The following RNF144A variants were observed in gnomAD, a reference collection of about 807,000 sequenced individuals.
RNF144A encodes E3 ubiquitin-protein ligase RNF144A.
Under a neutral mutation model 38.7 loss-of-function variants are expected in RNF144A, and 11 were observed. The ratio of observed to expected loss-of-function variants is 0.28; its 90% CI spans 0.18 to 0.47. RNF144A has a LOEUF of 0.47. RNF144A is among the 20% of genes least tolerant of loss of function. The probability of loss-of-function intolerance (pLI) is 0.99; values close to 1 mark genes in which losing one functional copy is unlikely to be tolerated. For synonymous variants in RNF144A, 149 were observed against 143.9 expected (o/e 1.04, Z -0.25); for missense variants, 316 against 377.2 (o/e 0.84, Z 1.34).
At chr2:7,047,161 G>T (rs1013098512), downstream of RNF144A, among the ~76,000 whole-genome samples, 1 of 152,200 alleles carries the variant, frequency 6.6e-6, no homozygotes, top group East Asian at 1.9e-4. Flanking sequence ...ACACATAGTG[G>T]TGACTTACTG....
At chr2:7,011,204 T>C (rs567738369) in intron 3 of RNF144A, among the ~76,000 whole-genome samples, 7 of 152,340 alleles carry the variant, frequency 4.6e-5, no homozygotes, top group African/African-American at 1.7e-4. Context: ...ATATAGATAA[T>C]AAAATGGTCA....
Position 7,043,285 on chromosome 2 carries a change from C to G in RNF144A, c.*3525C>G. The G allele has an allele frequency of 4.1e-6, 4 of 985,160 alleles. No individual in the cohort carries two copies. Among genetic ancestry groups the G allele is most frequent in the Non-Finnish European group, 4.8e-6 (4 of 829,722 alleles). The allele number at this position is 985,160 out of a possible 1,614,324, so 61.0% of individuals were successfully genotyped here. Reference sequence around the variant, plus strand: ...CCTGTGGGAGGGACTATCAGAGATGCAAAAATTACTTCAAGATGAGTTTAT... The same window carrying G: ...CCTGTGGGAGGGACTATCAGAGATGGAAAAATTACTTCAAGATGAGTTTAT... On this transcript the variant is annotated 3_prime_UTR_variant, in exon 9 of 9. Coordinates refer to ENST00000320892, the MANE Select transcript of RNF144A (RefSeq NM_014746.6).
intron 2 of RNF144A, chr2:6,996,709 C>A: frequency 3.6e-6 from 2 of 550,716 alleles, no homozygotes; most frequent in Non-Finnish European, 6.5e-6. Context: ...AGCTAGATTG[C>A]ACCACTGTAC....
chr2:7,010,284 G>T (rs1228920316), intron 3 of RNF144A, among the ~76,000 whole-genome samples: 1 of 152,210 alleles, frequency 6.6e-6, no homozygotes. Context: ...TGTCTGCTAA[G>T]TGGGTGAGCT....
chr2:7,075,474 G>C, the RNF144A span, among the ~76,000 whole-genome samples: 1 of 152,194 alleles, frequency 6.6e-6, no homozygotes, highest in South Asian at 2.1e-4. Context: ...GATGGTGTTT[G>C]GAAGTGGGGT....
chr2:7,033,348 C>T (rs1672451747), intron 8 of RNF144A, among the ~76,000 whole-genome samples: 2 of 152,202 alleles, frequency 1.3e-5, no homozygotes, highest in South Asian at 4.1e-4. Flanking sequence ...GCTTGGGCCT[C>T]AGCTGGGGCT....
At chr2:7,019,952 G>A (rs1052359445) in intron 5 of RNF144A, among the ~76,000 whole-genome samples, 1 of 152,194 alleles carries the variant, frequency 6.6e-6, no homozygotes, top group Non-Finnish European at 1.5e-5. Context: ...TTGGTTAGAA[G>A]AACAATCCAG....
Position 6,944,900 on chromosome 2 carries a change from G to A in RNF144A, c.-12+3753G>A, listed in dbSNP as rs1666237492. Among the ~76,000 whole-genome samples, 1 of 152,246 alleles carries A rather than the reference G, an allele frequency of 6.6e-6. No homozygotes were observed. Among genetic ancestry groups the A allele is most frequent in the South Asian group, 2.1e-4 (1 of 4,834 alleles). On this transcript the variant is annotated intron_variant, in intron 2 of 8. Transcript: ENST00000320892. The surrounding 1 kb of genome is among the most constrained non-coding windows in gnomAD (Gnocchi z 4.7). Reference sequence around the variant, plus strand: ...CAGCACGAGCAAAGATTTTTTAAATGTTTAGAATTTATAAAGAGAGGTGGT... The same window carrying A: ...CAGCACGAGCAAAGATTTTTTAAATATTTAGAATTTATAAAGAGAGGTGGT...
chr2:6,965,305 G>A (rs1391209190), intron 2 of RNF144A, among the ~76,000 whole-genome samples: 4 of 152,318 alleles, frequency 2.6e-5, no homozygotes, highest in South Asian at 2.1e-4. Context: ...GTCGGAGGCT[G>A]TCATAGGAGG....
chr2:6,982,428 G>T (rs373261590), intron 2 of RNF144A, among the ~76,000 whole-genome samples: 1 of 152,182 alleles, frequency 6.6e-6, no homozygotes, highest in Non-Finnish European at 1.5e-5. Flanking sequence ...AAGGAAGGAG[G>T]CATTGCCTGA....
intron 6 of RNF144A, among the ~76,000 whole-genome samples, chr2:7,057,530 T>G (rs1464206461): frequency 6.6e-6 from 1 of 152,232 alleles, no homozygotes; most frequent in African/African-American, 2.4e-5. Flanking sequence ...CTCCCTTCTC[T>G]GATTCTCAAG....
intron 7 of RNF144A, 113 bp downstream of exon 7, chr2:7,024,629 C>T (rs1671757779): frequency 6.7e-6 from 8 of 1,193,430 alleles, no homozygotes; most frequent in Non-Finnish European, 9.4e-6. Flanking sequence ...TCCTGTGTAA[C>T]AGTGAAGCAA....
intron 2 of RNF144A, among the ~76,000 whole-genome samples, chr2:6,964,600 G>C (rs1010787136): frequency 2.6e-5 from 4 of 152,156 alleles, no homozygotes; most frequent in Non-Finnish European, 5.9e-5. Flanking sequence ...ACTGAATTAA[G>C]AAAACGTGGC....
At chr2:6,929,935 TAA>T (rs1665098935) in intron 1 of RNF144A, among the ~76,000 whole-genome samples, 1 of 152,102 alleles carries the variant, frequency 6.6e-6, no homozygotes. Context: ...AGGAAGGAAA[TAA>T]ATATAAATCA....
Position 6,975,077 on chromosome 2 carries a change from G to T in RNF144A, c.-11-21839G>T, listed in dbSNP as rs368795230. Among the ~76,000 whole-genome samples, 272 of 152,188 alleles carry T rather than the reference G, an allele frequency of 1.8e-3. 2 individuals are homozygous for T. The highest frequency in any genetic ancestry group is 6.4e-3 in the African/African-American group (264 of 41,506). ...ATGTGTATTAGTCCATTTTCATGCT[G>T]CTAATAAAGACATACCCAAGACTGA... On this transcript the variant is annotated intron_variant, in intron 2 of 8. Coordinates refer to ENST00000320892, the MANE Select transcript of RNF144A (RefSeq NM_014746.6).
intron 2 of RNF144A, among the ~76,000 whole-genome samples, chr2:6,996,321 T>C (rs1192091506): frequency 1.3e-5 from 2 of 152,232 alleles, no homozygotes; most frequent in African/African-American, 4.8e-5. Flanking sequence ...GCTAAGGTTT[T>C]GCCCCCCTGG....
At chr2:7,057,212 T>C (rs1356405751) in intron 6 of RNF144A, among the ~76,000 whole-genome samples, 1 of 152,258 alleles carries the variant, frequency 6.6e-6, no homozygotes, top group Non-Finnish European at 1.5e-5. Flanking sequence ...TGAATTGCAT[T>C]GTACTTATTT....
At chr2:6,930,436 G>A (rs1243605296) in intron 1 of RNF144A, among the ~76,000 whole-genome samples, 3 of 151,746 alleles carry the variant, frequency 2.0e-5, no homozygotes, top group African/African-American at 7.3e-5. Context: ...AAAATTAATT[G>A]TAAATTCAGT....
Position 7,044,101 on chromosome 2 carries a change from C to T in RNF144A, c.*4341C>T. ...AATACATATTTTAAATGTATTGTGT[C>T]TTACGTAGTTTGTCCCCCCCTTTAG... On this transcript the variant is annotated 3_prime_UTR_variant, in exon 9 of 9. Coordinates refer to ENST00000320892, the MANE Select transcript of RNF144A (RefSeq NM_014746.6). 1 of 985,564 alleles carries T rather than the reference C, an allele frequency of 1.0e-6. No homozygotes were observed. 61.1% of individuals were successfully genotyped at this position (985,564 alleles called of 1,614,324 possible).
Sources: gnomAD v4.1 joint callset for allele counts (sites outside exome capture counted in the v4.1 genomes callset) on GRCh38, gnomAD v4.1.1 for gene constraint, Gnocchi (gnomAD v3.1) non-coding constraint, MANE v1.5 for transcripts, NCBI Gene and HGNC (gene_info 2026-07-23, HGNC 2026-07-21) for gene names.